Variants in WDTC1 observed in about 807,000 individuals in gnomAD.
WDTC1 encodes the protein WD and tetratricopeptide repeats 1, also known as WD and tetratricopeptide repeats protein 1.
In WDTC1, 12 loss-of-function variants were observed where a neutral mutation model predicts 76.0. That is an observed-to-expected ratio of 0.16 (90% CI 0.10 to 0.26). The LOEUF (loss-of-function observed/expected upper bound fraction) is 0.26, where lower values mean the gene tolerates loss of function less well. Among genes scored for constraint, WDTC1 ranks in the 10% least tolerant of loss-of-function variants. The pLI is 1.00. For synonymous variants in WDTC1, 326 were observed against 350.8 expected, an observed-to-expected ratio of 0.93 and a Z score of 0.79; for missense variants, 511 against 908.8, an observed-to-expected ratio of 0.56 and a Z score of 5.63.
At chr1:27,258,336 C>T (rs2012352925) in intron 1 of WDTC1, among the ~76,000 whole-genome samples, 1 of 151,564 alleles carries the variant, frequency 6.6e-6, no homozygotes, top group Non-Finnish European at 1.5e-5. Flanking sequence ...AGTTCGAGAC[C>T]AGCCTGGTCA....
intron 3 of WDTC1, among the ~76,000 whole-genome samples, chr1:27,281,376 C>T (rs2013185149): frequency 6.6e-6 from 1 of 150,852 alleles, no homozygotes; most frequent in South Asian, 2.1e-4. Flanking sequence ...ATGGCATGAA[C>T]CCAGGAGGCG....
At chr1:27,290,358 G>A (rs765607748) in intron 6 of WDTC1, among the ~76,000 whole-genome samples, 6 of 152,106 alleles carry the variant, frequency 3.9e-5, no homozygotes, top group Admixed American at 2.6e-4. Context: ...TGCTATGATT[G>A]CTGGTGTGAG....
chr1:27,237,082 G>A (rs1428085681), intron 1 of WDTC1, among the ~76,000 whole-genome samples: 3 of 151,964 alleles, frequency 2.0e-5, no homozygotes, highest in Non-Finnish European at 2.9e-5. Context: ...GTGATCCACC[G>A]ACCTCGGCCT....
At chr1:27,276,487 G>A (rs2013030760) in intron 3 of WDTC1, among the ~76,000 whole-genome samples, 1 of 152,084 alleles carries the variant, frequency 6.6e-6, no homozygotes, top group African/African-American at 2.4e-5. Context: ...AAGGTCAGGA[G>A]ATTGAGACCA....
intron 1 of WDTC1, among the ~76,000 whole-genome samples, chr1:27,250,745 GA>G (rs1351181520): frequency 1.3e-5 from 2 of 152,064 alleles, no homozygotes; most frequent in Non-Finnish European, 2.9e-5. Context: ...GGTTCTAGAT[GA>G]GTGATCTTCA....
intron 3 of WDTC1, among the ~76,000 whole-genome samples, chr1:27,273,096 CA>C (rs955288055): frequency 8.0e-5 from 12 of 149,292 alleles, no homozygotes; most frequent in Non-Finnish European, 1.6e-4. Flanking sequence ...TGGGACAGGG[CA>C]AAAGTTGATA....
chr1:27,293,886 G>A (rs999583701), intron 7 of WDTC1, 136 bp from the exon 8 acceptor site: 1 of 700,516 alleles, frequency 1.4e-6, no homozygotes, highest in Non-Finnish European at 2.4e-6. Flanking sequence ...TGGGCCTTTG[G>A]GGTTGCTTAG....
rs759933190 is a variant in WDTC1, at chr1:27,305,193, G to A, written c.1836G>A (p.Glu612=). The change falls in exon 15 of 16, where the codon GAG becomes GAA. Residue 612 remains glutamate (E), a splice_region_variant and synonymous_variant. Transcript: ENST00000319394. The surrounding 1 kb of genome is among the most constrained non-coding windows in gnomAD (Gnocchi z 4.6). ...TGCGGCTCTGGAACCCCCGACCAGA[G>A]GTGAGGGTGCAGAGCCAAGCAGAGA... ...PVVRLWNPRP[E]SEDLTGRVVE... is the part of the protein sequence containing the mutation. 1 of 1,613,302 alleles carries A rather than the reference G, an allele frequency of 6.2e-7. No homozygotes were observed. Among genetic ancestry groups the A allele is most frequent in the Non-Finnish European group, 8.5e-7 (1 of 1,179,772 alleles).
Position 27,260,980 on chromosome 1 carries a change from C to A in WDTC1, c.-75C>A. On this transcript the variant is annotated 5_prime_UTR_variant, in exon 2 of 16. Transcript: ENST00000319394. Reference sequence around the variant, plus strand: ...GGTAATTAAATGTGTATTTTGTGGACCTGGGCTTGGCTGGAATGCTCAGGG... The same window carrying A: ...GGTAATTAAATGTGTATTTTGTGGAACTGGGCTTGGCTGGAATGCTCAGGG... The A allele has an allele frequency of 6.6e-7, 1 of 1,526,302 alleles. No homozygotes were observed. The highest frequency in any genetic ancestry group is 1.2e-5 in the South Asian group (1 of 86,244). The allele number at this position is 1,526,302 out of a possible 1,614,324, so 94.5% of individuals were successfully genotyped here. A position where few individuals can be genotyped will look rare whatever the true frequency, so the allele number is the denominator to read the frequency against.
intron 1 of WDTC1, among the ~76,000 whole-genome samples, chr1:27,247,022 G>A (rs936477401): frequency 5.9e-5 from 9 of 151,642 alleles, no homozygotes; most frequent in African/African-American, 2.2e-4. Flanking sequence ...GTGAGCCACC[G>A]CACCCAGCCT....
intron 1 of WDTC1, among the ~76,000 whole-genome samples, chr1:27,242,059 T>C (rs1419563915): frequency 2.0e-5 from 3 of 152,016 alleles, no homozygotes; most frequent in African/African-American, 7.2e-5. Context: ...GCCTGGCTAA[T>C]TTTTGTATTT....
chr1:27,278,830 A>G (rs1248246203), intron 3 of WDTC1, among the ~76,000 whole-genome samples: 1 of 152,236 alleles, frequency 6.6e-6, no homozygotes, highest in African/African-American at 2.4e-5. Context: ...CAGGCCAGGT[A>G]TGGTGGCTCA....
chr1:27,246,516 G>A (rs79409768), intron 1 of WDTC1, among the ~76,000 whole-genome samples: 5,085 of 151,868 alleles, frequency 0.033, 118 homozygotes, highest in Middle Eastern at 0.049. Flanking sequence ...TATGAATAAT[G>A]CTGCTCTGAG....
rs573995769 is a variant in WDTC1 at position 27,298,120 on chromosome 1, C to T, written c.1232+9C>T. The T allele has an allele frequency of 3.1e-6, 5 of 1,596,298 alleles. No homozygotes were observed. Among genetic ancestry groups the T allele is most frequent in the African/African-American group, 2.7e-5 (2 of 74,662 alleles). ...TACATGAAGCGCAAGTGGTGAGTGG[C>T]CACTGCAGAGGGGATCTGGGTCAGG... On this transcript the variant is annotated intron_variant, in intron 12 of 15. Coordinates refer to ENST00000319394, the MANE Select transcript of WDTC1 (RefSeq NM_001276252.2).
At chr1:27,247,688 G>A (rs1020683441) in intron 1 of WDTC1, among the ~76,000 whole-genome samples, 3 of 151,096 alleles carry the variant, frequency 2.0e-5, no homozygotes, top group Non-Finnish European at 4.4e-5. Flanking sequence ...TCATTCCATG[G>A]TGTACATGTA....
At chr1:27,293,006 C>T (rs2013580032) in intron 7 of WDTC1, among the ~76,000 whole-genome samples, 1 of 150,732 alleles carries the variant, frequency 6.6e-6, no homozygotes, top group African/African-American at 2.4e-5. Context: ...CCCGCCTCGG[C>T]CTCCCAAAGT....
chr1:27,265,091 A>G (rs2012618552), intron 3 of WDTC1, among the ~76,000 whole-genome samples: 2 of 152,146 alleles, frequency 1.3e-5, no homozygotes, highest in African/African-American at 4.8e-5. Context: ...GGTGTGAGCT[A>G]CTGTGCCTAG....
intron 1 of WDTC1, chr1:27,255,661 C>T (rs1353290275): frequency 6.6e-6 from 1 of 152,356 alleles, no homozygotes; most frequent in Non-Finnish European, 1.5e-5. Flanking sequence ...CTCTGCCTCC[C>T]AGGTTCACGC....
chr1:27,276,693 G>GA (rs774538223), intron 3 of WDTC1, among the ~76,000 whole-genome samples: 3,689 of 136,474 alleles, frequency 0.027, 67 homozygotes, highest in Non-Finnish European at 0.038. Context: ...ACTTCGTCTC[G>GA]AAAAAAAAAA....
Sources: allele counts gnomAD v4.1 joint callset (sites outside exome capture counted in the v4.1 genomes callset), GRCh38; gene constraint gnomAD v4.1.1; non-coding constraint Gnocchi (gnomAD v3.1); transcripts MANE v1.5; gene names NCBI Gene and HGNC (gene_info 2026-07-23, HGNC 2026-07-21).